Variants in LARGE1 observed in about 807,000 individuals in gnomAD.
The protein encoded by LARGE1 is LARGE xylosyl- and glucuronyltransferase 1.
Under a neutral mutation model 87.6 loss-of-function variants are expected in LARGE1, and 43 were observed. The ratio of observed to expected loss-of-function variants is 0.49; its 90% CI spans 0.38 to 0.63. The LOEUF (loss-of-function observed/expected upper bound fraction) is 0.63. Ranked by LOEUF, LARGE1 falls within the 30% of genes least tolerant of loss-of-function variation. The pLI is 0.00. For missense variants in LARGE1, 802 were observed against 1,000.2 expected (o/e 0.80, Z 2.67); for synonymous variants, 434 against 394.6 (o/e 1.10, Z -1.18).
At chr22:33,436,804 ACCT>A (rs1189983485) in intron 6 of LARGE1, 5 of 152,366 alleles carry the variant, frequency 3.3e-5, no homozygotes, top group East Asian at 1.9e-4. Context: ...TATAGAGCAG[ACCT>A]CCTCTGTGAG....
chr22:33,523,950 G>C (rs1038933026), intron 6 of LARGE1, among the ~76,000 whole-genome samples: 1 of 152,066 alleles, frequency 6.6e-6, no homozygotes, highest in African/African-American at 2.4e-5. Flanking sequence ...AATCAAAACA[G>C]AGAACTGTGC....
At chr22:33,566,744 T>C (rs2078039076) in intron 5 of LARGE1, among the ~76,000 whole-genome samples, 1 of 152,218 alleles carries the variant, frequency 6.6e-6, no homozygotes, top group African/African-American at 2.4e-5. Flanking sequence ...TTGGTCATTT[T>C]ACAGAGTGCT....
chr22:33,891,213 G>C (rs910645074), intron 1 of LARGE1, among the ~76,000 whole-genome samples: 1 of 152,118 alleles, frequency 6.6e-6, no homozygotes, highest in Non-Finnish European at 1.5e-5. Flanking sequence ...GCTCTCCTCT[G>C]TGCTCTACCA....
chr22:33,786,564 A>T (rs1327119956), intron 1 of LARGE1, among the ~76,000 whole-genome samples: 1 of 151,676 alleles, frequency 6.6e-6, no homozygotes, highest in Non-Finnish European at 1.5e-5. Flanking sequence ...CTCTCTCCCT[A>T]CTCCCTCCAG....
intron 1 of LARGE1, among the ~76,000 whole-genome samples, chr22:33,807,066 T>C (rs940465394): frequency 6.6e-6 from 1 of 152,126 alleles, no homozygotes; most frequent in Non-Finnish European, 1.5e-5. Flanking sequence ...CAAAGACAGC[T>C]GGATAGGCAG....
At chr22:33,838,538 C>G (rs2063176250) in intron 1 of LARGE1, among the ~76,000 whole-genome samples, 1 of 152,140 alleles carries the variant, frequency 6.6e-6, no homozygotes, top group Non-Finnish European at 1.5e-5. Flanking sequence ...ACTTGGGAGG[C>G]TGAGGCAGGA....
the LARGE1 span, among the ~76,000 whole-genome samples, chr22:33,147,546 T>A: frequency 1.3e-5 from 2 of 152,200 alleles, no homozygotes; most frequent in Admixed American, 1.3e-4. Context: ...TGGACTCACA[T>A]AAGAGCTGCA....
intron 11 of LARGE1, among the ~76,000 whole-genome samples, chr22:33,254,281 C>G (rs1048187738): frequency 3.9e-5 from 6 of 152,092 alleles, no homozygotes; most frequent in Non-Finnish European, 7.3e-5. Flanking sequence ...GACTGGGGAG[C>G]ATGTTTGGAT....
intron 7 of LARGE1, among the ~76,000 whole-genome samples, chr22:33,422,576 C>G (rs1289616099): frequency 2.7e-5 from 4 of 150,132 alleles, no homozygotes; most frequent in African/African-American, 4.9e-5. Flanking sequence ...ATGGCATGAT[C>G]TCCGCTCACT....
At chr22:33,831,468 A>G (rs1568968778) in intron 1 of LARGE1, among the ~76,000 whole-genome samples, 1 of 152,256 alleles carries the variant, frequency 6.6e-6, no homozygotes, top group East Asian at 1.9e-4. Context: ...CCCTGCCGTG[A>G]GGACGGAGTG....
chr22:33,585,343 A>T (rs1382940797), intron 5 of LARGE1, among the ~76,000 whole-genome samples: 1 of 152,080 alleles, frequency 6.6e-6, no homozygotes, highest in Non-Finnish European at 1.5e-5. Context: ...ACACACACTG[A>T]GACACACATA....
chr22:33,536,452 G>A (rs937224835), intron 6 of LARGE1, among the ~76,000 whole-genome samples: 1 of 152,196 alleles, frequency 6.6e-6, no homozygotes, highest in African/African-American at 2.4e-5. Context: ...TTAACGTGCT[G>A]AGCACCCTGC....
At chr22:33,138,741 G>C in the LARGE1 span, among the ~76,000 whole-genome samples, 1 of 152,160 alleles carries the variant, frequency 6.6e-6, no homozygotes, top group Admixed American at 6.5e-5. Flanking sequence ...ACCACACCTG[G>C]CCAGGACTGT....
intron 11 of LARGE1, among the ~76,000 whole-genome samples, chr22:33,227,456 C>T (rs1172145676): frequency 1.3e-5 from 2 of 152,108 alleles, no homozygotes; most frequent in African/African-American, 4.8e-5. Context: ...AACTGCCTAC[C>T]CTAGTTACAT....
In LARGE1 at chr22:33,582,984, T is replaced by G. The variant is rs115975544; in HGVS notation, c.616-17965A>C. On this transcript the variant is annotated intron_variant, in intron 5 of 14. Coordinates refer to ENST00000397394, the MANE Select transcript of LARGE1 (RefSeq NM_133642.5). ...TGCGGATACTGTACTATGTTATTAT[T>G]CAGGGGAAACAAACCACATTAAGTA... Among the ~76,000 whole-genome samples, 912 of 152,342 alleles carry G rather than the reference T, an allele frequency of 6.0e-3. 8 individuals carry two copies. The highest frequency in any genetic ancestry group is 0.021 in the African/African-American group (857 of 41,570).
At chr22:33,491,538 A>G (rs1265700049) in intron 6 of LARGE1, among the ~76,000 whole-genome samples, 2 of 152,240 alleles carry the variant, frequency 1.3e-5, no homozygotes, top group Non-Finnish European at 2.9e-5. Context: ...AAAATTCTGA[A>G]GATGAAAGAA....
chr22:33,745,464 T>C (rs907771041), intron 2 of LARGE1, among the ~76,000 whole-genome samples: 1 of 152,126 alleles, frequency 6.6e-6, no homozygotes, highest in South Asian at 2.1e-4. Flanking sequence ...TCAGAACCAG[T>C]GCGTGTGTGT....
intron 6 of LARGE1, among the ~76,000 whole-genome samples, chr22:33,530,805 C>T (rs1299238859): frequency 6.6e-6 from 1 of 152,180 alleles, no homozygotes; most frequent in Admixed American, 6.5e-5. Flanking sequence ...TGAGAAATAG[C>T]AGCCTACATG....
intron 1 of LARGE1, among the ~76,000 whole-genome samples, chr22:33,878,129 CTTTTTTTTTTTT>C (rs1186663464): frequency 6.0e-4 from 27 of 44,654 alleles, no homozygotes; most frequent in East Asian, 2.1e-3. Context: ...TATTGTATTT[CTTTTTTTTTTTT>C]TTTTTTTTTT....
Sources: allele counts gnomAD v4.1 joint callset (sites outside exome capture counted in the v4.1 genomes callset), GRCh38; gene constraint gnomAD v4.1.1; transcripts MANE v1.5; gene names NCBI Gene and HGNC (gene_info 2026-07-23, HGNC 2026-07-21).